Variants in MUSK observed in about 807,000 individuals in gnomAD.
MUSK encodes muscle associated receptor tyrosine kinase, also known as muscle, skeletal receptor tyrosine-protein kinase.
In MUSK, 55 loss-of-function variants were observed where a neutral mutation model predicts 88.7. That is an observed-to-expected ratio of 0.62 (90% confidence interval 0.50 to 0.78). The LOEUF (loss-of-function observed/expected upper bound fraction) is 0.78. MUSK is among the 30% of genes least tolerant of loss of function. MUSK has a pLI of 0.00. For synonymous variants in MUSK, 387 were observed against 391.9 expected (o/e 0.99, Z 0.15); for missense variants, 1,015 against 1,074.3 (o/e 0.94, Z 0.77).
At chr9:110,718,763 T>A (rs541654221) in intron 5 of MUSK, among the ~76,000 whole-genome samples, 90 of 152,134 alleles carry the variant, frequency 5.9e-4, no homozygotes, top group African/African-American at 2.1e-3. Context: ...AAAAAAATCA[T>A]TGCCTAGACA....
At chr9:110,740,383 A>G (rs916661293) in intron 6 of MUSK, among the ~76,000 whole-genome samples, 1 of 152,090 alleles carries the variant, frequency 6.6e-6, no homozygotes, top group Admixed American at 6.5e-5. Flanking sequence ...ATCTCCCTGT[A>G]TTCTCACAGG....
intron 6 of MUSK, among the ~76,000 whole-genome samples, chr9:110,742,040 T>G (rs2077106846): frequency 2.0e-5 from 3 of 152,204 alleles, no homozygotes. Context: ...TCTTTACCTC[T>G]CTAAGAACGT....
chr9:110,711,858 T>C (rs1469731416), intron 5 of MUSK, among the ~76,000 whole-genome samples: 1 of 152,166 alleles, frequency 6.6e-6, no homozygotes, highest in African/African-American at 2.4e-5. Context: ...AAATTGTGTG[T>C]TGTCATTCTA....
chr9:110,744,555 T>C (rs1308494733), intron 6 of MUSK, among the ~76,000 whole-genome samples: 2 of 152,218 alleles, frequency 1.3e-5, no homozygotes, highest in Non-Finnish European at 2.9e-5. Context: ...TTAATAGAGC[T>C]TCCTATCCTA....
At chr9:110,749,714 G>A (rs986742889) in intron 7 of MUSK, among the ~76,000 whole-genome samples, 2 of 152,192 alleles carry the variant, frequency 1.3e-5, no homozygotes, top group African/African-American at 4.8e-5. Context: ...AACAGCAGCA[G>A]CAGCATTGGT....
chr9:110,703,508 C>A (rs780169511), intron 5 of MUSK, among the ~76,000 whole-genome samples: 4 of 151,216 alleles, frequency 2.6e-5, no homozygotes, highest in Non-Finnish European at 5.9e-5. Context: ...CCAGCCTGGG[C>A]AACAGAGTGA....
chr9:110,742,909 T>C (rs942042940), intron 6 of MUSK, among the ~76,000 whole-genome samples: 2 of 152,182 alleles, frequency 1.3e-5, no homozygotes, highest in Non-Finnish European at 2.9e-5. Flanking sequence ...ACTGTCCACA[T>C]TGACGCAAAT....
chr9:110,800,145 G>A lies in MUSK; in HGVS notation c.1928-161G>A, dbSNP rs545138715. ...ATTTCCTAGCTGAGACTCCTTTTGT[G>A]TTGTGATTAAAAGGATACAAATATT... On this transcript the variant is annotated intron_variant, in intron 14 of 14. Coordinates refer to ENST00000374448, the MANE Select transcript of MUSK (RefSeq NM_005592.4). Among the ~76,000 whole-genome samples the A allele has an allele frequency of 2.0e-5, 3 of 152,260 alleles. No individual in the cohort carries two copies. The South Asian group carries it at 6.2e-4, about 32-fold the overall frequency.
chr9:110,689,969 T>TA (rs2076295231), intron 3 of MUSK, among the ~76,000 whole-genome samples: 1 of 75,448 alleles, frequency 1.3e-5, no homozygotes, highest in Non-Finnish European at 2.3e-5. Context: ...TATATTTATA[T>TA]ATTATATTAT....
At chr9:110,695,353 T>A in intron 3 of MUSK, 50 bp from the exon 4 acceptor site, 1 of 1,275,340 alleles carries the variant, frequency 7.8e-7, no homozygotes, top group African/African-American at 1.5e-5. Flanking sequence ...AACTCTAGGT[T>A]TAATAAAGCC....
intron 14 of MUSK, among the ~76,000 whole-genome samples, chr9:110,800,043 T>G (rs773185118): frequency 6.6e-6 from 1 of 152,134 alleles, no homozygotes; most frequent in African/African-American, 2.4e-5. Flanking sequence ...TTATGACAAG[T>G]GCCCAGGACA....
At chr9:110,703,810 A>G (rs887934940) in intron 5 of MUSK, among the ~76,000 whole-genome samples, 5 of 152,186 alleles carry the variant, frequency 3.3e-5, no homozygotes, top group African/African-American at 1.2e-4. Flanking sequence ...ATGAGAGGCA[A>G]TACTCAAAAA....
intron 4 of MUSK, 91 bp from the exon 5 acceptor site, chr9:110,697,231 GATA>G: frequency 7.6e-7 from 1 of 1,313,636 alleles, no homozygotes; most frequent in South Asian, 1.4e-5. Flanking sequence ...CTTTGATGAT[GATA>G]ATAGTGATGA....
chr9:110,739,199 G>A (rs1197259920), intron 6 of MUSK, among the ~76,000 whole-genome samples: 1 of 152,118 alleles, frequency 6.6e-6, no homozygotes, highest in Non-Finnish European at 1.5e-5. Flanking sequence ...TTCATGAGAA[G>A]GACTCACAGA....
intron 7 of MUSK, chr9:110,748,090 C>T: frequency 1.9e-6 from 1 of 524,008 alleles, no homozygotes; most frequent in South Asian, 1.6e-5. Flanking sequence ...TCCTTTTCTC[C>T]ATTTCTCTTT....
intron 9 of MUSK, among the ~76,000 whole-genome samples, chr9:110,774,778 A>G (rs1337241286): frequency 6.6e-6 from 1 of 152,094 alleles, no homozygotes; most frequent in African/African-American, 2.4e-5. Flanking sequence ...CTTTTATTCT[A>G]TGCATACTCA....
intron 13 of MUSK, 100 bp from the exon 14 acceptor site, chr9:110,787,590 T>C: frequency 8.0e-7 from 1 of 1,251,020 alleles, no homozygotes; most frequent in East Asian, 2.4e-5. Context: ...TAACCAGCCT[T>C]TTACACAGGG....
In MUSK at chr9:110,768,132, C is replaced by T. The variant is rs780437974; in HGVS notation, c.1184+49C>T. 3 of 1,528,242 alleles carry T rather than the reference C, an allele frequency of 2.0e-6. No homozygotes were observed. In the South Asian group the frequency reaches 3.7e-5, roughly 19 times the overall value. 94.7% of individuals were successfully genotyped at this position (1,528,242 alleles called of 1,614,324 possible). A position where few individuals can be genotyped will look rare whatever the true frequency, so the allele number is the denominator to read the frequency against. ...AGGAAAAATTCCATTTTTCTATCTG[C>T]ACAACAGAAGGAGTTTTTGAAAAAT... On this transcript the variant is annotated intron_variant, in intron 9 of 14. Transcript: ENST00000374448.
chr9:110,729,189 ATTAAG>A (rs2076929389), intron 5 of MUSK, among the ~76,000 whole-genome samples: 1 of 146,610 alleles, frequency 6.8e-6, no homozygotes, highest in Non-Finnish European at 1.5e-5. Context: ...ATCAATAAAA[ATTAAG>A]TTATTTTAAT....
Sources: gnomAD v4.1 joint callset for allele counts (sites outside exome capture counted in the v4.1 genomes callset) on GRCh38, gnomAD v4.1.1 for gene constraint, MANE v1.5 for transcripts, NCBI Gene and HGNC (gene_info 2026-07-23, HGNC 2026-07-21) for gene names.